The following NFIB variants were observed in gnomAD, a reference collection of about 807,000 sequenced individuals.
NFIB encodes nuclear factor I B.
A neutral mutation model predicts 61.5 loss-of-function variants in NFIB; 11 were observed. The ratio of observed to expected loss-of-function variants is 0.18; its 90% CI spans 0.11 to 0.30. NFIB has a LOEUF of 0.30. Ranked by LOEUF, NFIB falls within the 10% of genes least tolerant of loss-of-function variation. NFIB has a pLI of 1.00. For missense variants in NFIB, 471 were observed against 608.9 expected (o/e 0.77, Z 2.38); for synonymous variants, 260 against 216.5 (o/e 1.20, Z -1.76).
At chr9:14,158,133 A>G (rs1339138936) in intron 3 of NFIB, among the ~76,000 whole-genome samples, 3 of 150,890 alleles carry the variant, frequency 2.0e-5, no homozygotes, top group African/African-American at 4.9e-5. Context: ...AAAACAAAAC[A>G]AAACAAAAAA....
chr9:14,423,943 G>A, the NFIB span, among the ~76,000 whole-genome samples: 79 of 152,206 alleles, frequency 5.2e-4, no homozygotes, highest in Non-Finnish European at 7.1e-4. Context: ...GGGCAACCCG[G>A]GTCGGCATGC....
chr9:14,220,582 T>A (rs1035326042), intron 2 of NFIB, among the ~76,000 whole-genome samples: 2 of 152,250 alleles, frequency 1.3e-5, no homozygotes, highest in South Asian at 4.1e-4. Flanking sequence ...GATGCTGGAC[T>A]TGCAGTCTCC....
the NFIB span, among the ~76,000 whole-genome samples, chr9:14,498,790 C>A: frequency 1.6e-5 from 1 of 63,324 alleles, no homozygotes; most frequent in Non-Finnish European, 3.0e-5. Context: ...TCCCTCCCTC[C>A]CTCCCTCCCT....
At chr9:14,322,602 C>T (rs1408971439) in intron 1 of NFIB, among the ~76,000 whole-genome samples, 1 of 149,876 alleles carries the variant, frequency 6.7e-6, no homozygotes, top group African/African-American at 2.4e-5. Context: ...CTACCACGGC[C>T]GGCCTGGGCG....
intron 4 of NFIB, among the ~76,000 whole-genome samples, chr9:14,152,556 G>A (rs2042979407): frequency 6.6e-6 from 1 of 151,994 alleles, no homozygotes; most frequent in Non-Finnish European, 1.5e-5. Flanking sequence ...AGGAAACTTA[G>A]AGGTTCCACC....
At chr9:14,493,295 T>C in the NFIB span, among the ~76,000 whole-genome samples, 1 of 152,198 alleles carries the variant, frequency 6.6e-6, no homozygotes. Context: ...CATGATATGA[T>C]TGGCTAGCAG....
At chr9:14,265,484 G>T (rs1409160322) in intron 2 of NFIB, among the ~76,000 whole-genome samples, 2 of 152,196 alleles carry the variant, frequency 1.3e-5, no homozygotes, top group African/African-American at 2.4e-5. Flanking sequence ...TGAGAAGGCT[G>T]CCATCTATAA....
intron 2 of NFIB, among the ~76,000 whole-genome samples, chr9:14,261,341 C>T (rs998886020): frequency 3.3e-5 from 5 of 152,082 alleles, no homozygotes; most frequent in Non-Finnish European, 5.9e-5. Context: ...AAAAGGCAAA[C>T]TTGATGAAAA....
intron 1 of NFIB, among the ~76,000 whole-genome samples, chr9:14,377,433 T>C (rs1486853519): frequency 6.6e-6 from 1 of 152,142 alleles, no homozygotes; most frequent in Non-Finnish European, 1.5e-5. Flanking sequence ...TGTCTATGCT[T>C]GTCTCTATTC....
the NFIB span, among the ~76,000 whole-genome samples, chr9:14,495,077 T>A: frequency 3.9e-5 from 6 of 152,222 alleles, no homozygotes; most frequent in African/African-American, 1.4e-4. Flanking sequence ...TGTAGTGCCT[T>A]TCAATGTCTT....
Position 14,120,803 on chromosome 9 carries a change from C to T in NFIB, c.1061-179G>A, listed in dbSNP as rs993118710. Among the ~76,000 whole-genome samples, 2 of 152,118 alleles carry T rather than the reference C, an allele frequency of 1.3e-5. No individual in the cohort carries two copies. The highest frequency in any genetic ancestry group is 2.4e-5 in the African/African-American group (1 of 41,430). ...TTCATTTTTATTCTCAACACCAGTACGGCTAACTACACAGAGATAAAACAT... is the reference window on the plus strand; with the variant it reads ...TTCATTTTTATTCTCAACACCAGTATGGCTAACTACACAGAGATAAAACAT... On this transcript the variant is annotated intron_variant, in intron 7 of 10. Coordinates refer to ENST00000380953, the MANE Select transcript of NFIB (RefSeq NM_001190737.2). The surrounding 1 kb of genome is among the most constrained non-coding windows in gnomAD (Gnocchi z 4.4).
intron 4 of NFIB, among the ~76,000 whole-genome samples, chr9:14,151,024 C>G (rs935153301): frequency 6.6e-6 from 1 of 152,062 alleles, no homozygotes; most frequent in South Asian, 2.1e-4. Context: ...TTAGAATCAG[C>G]AGAGTCTTGA....
the NFIB span, among the ~76,000 whole-genome samples, chr9:14,421,493 T>G: frequency 2.0e-5 from 3 of 152,198 alleles, no homozygotes; most frequent in Non-Finnish European, 4.4e-5. Context: ...TTGAAGATAC[T>G]GAAGAGGAAT....
intron 2 of NFIB, among the ~76,000 whole-genome samples, chr9:14,295,502 G>A (rs1470512790): frequency 6.6e-6 from 1 of 152,078 alleles, no homozygotes; most frequent in African/African-American, 2.4e-5. Context: ...GTGGGGAAGG[G>A]CGCCTGTAGT....
chr9:14,116,450 G>A lies in NFIB; in HGVS notation c.1246-104C>T, dbSNP rs576556077. 4.6e-5 allele frequency: 56 copies of A among 1,206,460 alleles called. No homozygotes were observed. The East Asian group carries it at 7.9e-4, about 17-fold the overall frequency. The allele number at this position is 1,206,460 out of a possible 1,614,324, so 74.7% of individuals were successfully genotyped here. On this transcript the variant is annotated intron_variant, in intron 8 of 10. Coordinates refer to ENST00000380953, the MANE Select transcript of NFIB (RefSeq NM_001190737.2). ...CGACTGTGTGGATCCAGCACACTGC[G>A]CATAGGCGCCACACAGGCCCTCTCG... is the stretch of plus-strand genomic sequence containing the variant.
chr9:14,174,123 C>T (rs1298893995), intron 3 of NFIB, among the ~76,000 whole-genome samples: 1 of 152,042 alleles, frequency 6.6e-6, no homozygotes, highest in African/African-American at 2.4e-5. Flanking sequence ...AATGTGACGT[C>T]TCCAAACAAG....
At chr9:14,454,262 A>T in the NFIB span, among the ~76,000 whole-genome samples, 2 of 152,242 alleles carry the variant, frequency 1.3e-5, no homozygotes. Context: ...TTGTCAAATG[A>T]GGAAAATGTA....
the NFIB span, among the ~76,000 whole-genome samples, chr9:14,502,879 C>A: frequency 6.6e-6 from 1 of 152,062 alleles, no homozygotes; most frequent in Non-Finnish European, 1.5e-5. Context: ...TTCGCCCTCA[C>A]TCCCCTCCCA....
intron 2 of NFIB, among the ~76,000 whole-genome samples, chr9:14,282,868 T>G (rs548114444): frequency 6.6e-6 from 1 of 152,320 alleles, no homozygotes; most frequent in African/African-American, 2.4e-5. Flanking sequence ...TGAACTTCGG[T>G]CATGACTGGC....
Sources: gnomAD v4.1 joint callset for allele counts (sites outside exome capture counted in the v4.1 genomes callset) on GRCh38, gnomAD v4.1.1 for gene constraint, Gnocchi (gnomAD v3.1) non-coding constraint, MANE v1.5 for transcripts, NCBI Gene and HGNC (gene_info 2026-07-23, HGNC 2026-07-21) for gene names.